The following THSD4 variants were observed in gnomAD, a reference collection of about 807,000 sequenced individuals.
THSD4 encodes thrombospondin type-1 domain-containing protein 4.
THSD4 carries 69 observed loss-of-function variants against 119.0 expected under a neutral mutation model. The ratio of observed to expected loss-of-function variants is 0.58; its 90% confidence interval spans 0.48 to 0.71. THSD4 has a LOEUF of 0.71. Ranked by LOEUF, THSD4 falls within the 30% of genes least tolerant of loss-of-function variation. The probability of loss-of-function intolerance (pLI) is 0.00; values close to 1 mark genes in which losing one functional copy is unlikely to be tolerated. For missense variants in THSD4, 1,393 were observed against 1,391.1 expected (o/e 1.00, Z -0.02); for synonymous variants, 524 against 540.4 (o/e 0.97, Z 0.42).
intron 1 of THSD4, among the ~76,000 whole-genome samples, chr15:71,100,287 G>A (rs1389859750): frequency 6.6e-6 from 1 of 152,218 alleles, no homozygotes; most frequent in Non-Finnish European, 1.5e-5. Context: ...TGTAACTTCT[G>A]TCTTGCTAGC....
chr15:71,282,830 T>G (rs2044669463), intron 6 of THSD4, among the ~76,000 whole-genome samples: 1 of 152,208 alleles, frequency 6.6e-6, no homozygotes, highest in Non-Finnish European at 1.5e-5. Flanking sequence ...CTTTTCAGCC[T>G]GGGCCCTATA....
At chr15:71,745,911 C>T (rs962011691) in intron 12 of THSD4, among the ~76,000 whole-genome samples, 2 of 152,300 alleles carry the variant, frequency 1.3e-5, no homozygotes, top group African/African-American at 2.4e-5. Flanking sequence ...TCCCAAAGTG[C>T]TGGGATTACG....
chr15:71,484,886 C>T (rs570543800), intron 7 of THSD4, among the ~76,000 whole-genome samples: 2 of 152,272 alleles, frequency 1.3e-5, no homozygotes, highest in South Asian at 4.1e-4. Context: ...ATAAAAAATG[C>T]ATTCTGGTTG....
chr15:71,698,820 A>C (rs1432314295), intron 8 of THSD4, among the ~76,000 whole-genome samples: 2 of 151,990 alleles, frequency 1.3e-5, no homozygotes, highest in Non-Finnish European at 2.9e-5. Context: ...CCAGGCACAG[A>C]AAGATGAATA....
chr15:71,479,019 G>A (rs1310440747), intron 7 of THSD4, among the ~76,000 whole-genome samples: 1 of 151,780 alleles, frequency 6.6e-6, no homozygotes, highest in Admixed American at 6.6e-5. Flanking sequence ...AGAGCTGTGG[G>A]CCCCCAGTAG....
intron 5 of THSD4, among the ~76,000 whole-genome samples, chr15:71,248,799 C>A (rs556725742): frequency 2.3e-4 from 35 of 152,246 alleles, no homozygotes; most frequent in African/African-American, 7.2e-4. Context: ...CATCTCTAGT[C>A]TGATATTGAA....
At chr15:71,543,328 C>T (rs2048787956) in intron 7 of THSD4, among the ~76,000 whole-genome samples, 1 of 152,018 alleles carries the variant, frequency 6.6e-6, no homozygotes, top group African/African-American at 2.4e-5. Flanking sequence ...AGTGGCTGCA[C>T]TGGGAAAGAG....
intron 11 of THSD4, among the ~76,000 whole-genome samples, chr15:71,738,486 TG>T (rs1445902496): frequency 1.3e-5 from 2 of 152,150 alleles, no homozygotes; most frequent in Non-Finnish European, 2.9e-5. Flanking sequence ...GTTTAATGAT[TG>T]GCTCAAAGGG....
chr15:71,669,902 G>A (rs2051489138), intron 8 of THSD4, among the ~76,000 whole-genome samples: 2 of 152,164 alleles, frequency 1.3e-5, no homozygotes, highest in South Asian at 2.1e-4. Flanking sequence ...GAATTGCCTA[G>A]CATGATAATG....
intron 1 of THSD4, among the ~76,000 whole-genome samples, chr15:71,125,681 C>A (rs931021343): frequency 6.6e-6 from 1 of 152,076 alleles, no homozygotes; most frequent in Non-Finnish European, 1.5e-5. Context: ...AGACCCAGCT[C>A]TCCAGTCAGG....
intron 8 of THSD4, among the ~76,000 whole-genome samples, chr15:71,663,178 A>G (rs1330072322): frequency 6.6e-6 from 1 of 152,094 alleles, no homozygotes; most frequent in Non-Finnish European, 1.5e-5. Flanking sequence ...CTTGGGCCCA[A>G]GAGGTCAGGG....
At chr15:71,602,553 C>CAAAAAAAAAAA (rs59370074) in intron 7 of THSD4, among the ~76,000 whole-genome samples, 1 of 53,900 alleles carries the variant, frequency 1.9e-5, no homozygotes, top group Non-Finnish European at 3.3e-5. Flanking sequence ...AACTCTGTCT[C>CAAAAAAAAAAA]AAAAAAAAAA....
At position 71,716,561 on chromosome 15, in the gene THSD4, G is replaced by GGGGTGTGTGTGTGTGTGTGTGT. The variant is rs1555445094; in HGVS notation, c.1358-11987_1358-11986insGGTGTGTGTGTGTGTGTGTGTG. On this transcript the variant is annotated intron_variant, in intron 8 of 17. Transcript: ENST00000261862. The stretch of plus-strand genomic sequence containing the variant: ...TTCCTGTTTGTTTTATAGAGTGTGG[G>GGGGTGTGTGTGTGTGTGTGTGT]GTGTGTGTGTGTGTGTGTGTTGGTT... Among the ~76,000 whole-genome samples the GGGGTGTGTGTGTGTGTGTGTGT allele has an allele frequency of 7.6e-5, 11 of 144,564 alleles. 1 individual carries two copies. Among genetic ancestry groups the GGGGTGTGTGTGTGTGTGTGTGT allele is most frequent in the South Asian group, 4.4e-4 (2 of 4,538 alleles). The allele number at this position is 144,564 out of a possible 152,430, so 94.8% of individuals were successfully genotyped here. A position where few individuals can be genotyped will look rare whatever the true frequency, so the allele number is the denominator to read the frequency against.
intron 1 of THSD4, among the ~76,000 whole-genome samples, chr15:71,133,649 C>G (rs2040523369): frequency 6.6e-6 from 1 of 152,186 alleles, no homozygotes; most frequent in African/African-American, 2.4e-5. Flanking sequence ...GAAAAGCGCT[C>G]TTACTCCAAA....
chr15:71,113,925 T>A (rs1274245308), upstream of THSD4, among the ~76,000 whole-genome samples: 1 of 93,918 alleles, frequency 1.1e-5, no homozygotes, highest in Non-Finnish European at 2.0e-5. Flanking sequence ...TTGCGCAGGT[T>A]TTTTTTTTTA....
At chr15:71,492,477 G>T (rs1277948676) in intron 7 of THSD4, among the ~76,000 whole-genome samples, 3 of 151,974 alleles carry the variant, frequency 2.0e-5, no homozygotes, top group Non-Finnish European at 4.4e-5. Context: ...TAGAGGGGGG[G>T]AGTTTCACCA....
intron 7 of THSD4, among the ~76,000 whole-genome samples, chr15:71,599,509 G>A (rs1025214709): frequency 4.6e-5 from 7 of 152,170 alleles, no homozygotes; most frequent in South Asian, 4.1e-4. Context: ...GTTCTGGCCA[G>A]ACCTTAACCA....
chr15:71,171,101 A>C (rs957068381), intron 3 of THSD4, among the ~76,000 whole-genome samples: 11 of 152,180 alleles, frequency 7.2e-5, no homozygotes, highest in Non-Finnish European at 1.5e-5. Context: ...CAAAAGGAGA[A>C]GAGATAGGGA....
intron 6 of THSD4, among the ~76,000 whole-genome samples, chr15:71,382,778 C>T (rs1248127407): frequency 1.3e-5 from 2 of 152,100 alleles, no homozygotes; most frequent in Admixed American, 6.6e-5. Context: ...TGTATTTTCT[C>T]ATAACACAAT....
Sources: gnomAD v4.1 joint callset for allele counts (sites outside exome capture counted in the v4.1 genomes callset) on GRCh38, gnomAD v4.1.1 for gene constraint, MANE v1.5 for transcripts, NCBI Gene and HGNC (gene_info 2026-07-23, HGNC 2026-07-21) for gene names.